Variants in WDR72 observed in about 807,000 individuals in gnomAD.
WDR72 encodes the protein WD repeat-containing protein 72.
WDR72 carries 120 observed loss-of-function variants against 124.2 expected under a neutral mutation model. The observed-to-expected ratio is 0.97, with a 90% CI of 0.83 to 1.12. The LOEUF is 1.12. WDR72 is among the 50% of genes most tolerant of loss of function. The pLI is 0.00. For synonymous variants in WDR72, 452 were observed against 441.7 expected, an observed-to-expected ratio of 1.02 and a Z score of -0.29; for missense variants, 1,387 against 1,278.8, an observed-to-expected ratio of 1.08 and a Z score of -1.29.
At chr15:53,642,029 G>A (rs1287542811) in intron 14 of WDR72, among the ~76,000 whole-genome samples, 1 of 151,312 alleles carries the variant, frequency 6.6e-6, no homozygotes, top group Admixed American at 6.6e-5. Flanking sequence ...AATTTTACTT[G>A]GTATGATTAC....
intron 18 of WDR72, among the ~76,000 whole-genome samples, chr15:53,559,632 C>T (rs539186468): frequency 9.9e-5 from 15 of 152,028 alleles, no homozygotes; most frequent in Non-Finnish European, 1.8e-4. Flanking sequence ...CGTTCTTACA[C>T]AGGAGGACAA....
Position 53,616,055 on chromosome 15 carries a change from C to A in WDR72, c.2151G>T (p.Lys717Asn). The change falls in exon 15 of 20, where the codon AAG becomes AAT. Residue 717 changes from lysine to asparagine, a missense_variant. Physicochemically the swap from Lys to Asn is moderately conservative, Grantham distance 94 (BLOSUM62 0). Coordinates refer to ENST00000360509, the MANE Select transcript of WDR72 (RefSeq NM_182758.4). ...TCAGTGTCTTCTTCTCCACTGTGCTCTTGGCTCTTCTCAGGACCTCACCAC... is the reference window on the plus strand; with the variant it reads ...TCAGTGTCTTCTTCTCCACTGTGCTATTGGCTCTTCTCAGGACCTCACCAC... ...FYGGEVLRRA[K>N]STVEKKTLTL... 1 of 1,611,934 alleles carries A rather than the reference C, an allele frequency of 6.2e-7. No homozygotes were observed. Among genetic ancestry groups the A allele is most frequent in the Non-Finnish European group, 8.5e-7 (1 of 1,178,780 alleles).
intron 18 of WDR72, among the ~76,000 whole-genome samples, chr15:53,545,219 A>C (rs909640451): frequency 1.3e-5 from 2 of 151,900 alleles, no homozygotes; most frequent in African/African-American, 4.8e-5. Flanking sequence ...ATCCTAAGCC[A>C]AAAGAACAAA....
intron 18 of WDR72, among the ~76,000 whole-genome samples, chr15:53,565,007 A>C (rs898301499): frequency 6.6e-6 from 1 of 151,896 alleles, no homozygotes; most frequent in African/African-American, 2.4e-5. Flanking sequence ...AAATTTCCTA[A>C]GTGAAAGGAA....
chr15:53,656,277 C>G (rs1181696240), intron 14 of WDR72, among the ~76,000 whole-genome samples: 1 of 152,108 alleles, frequency 6.6e-6, no homozygotes, highest in Non-Finnish European at 1.5e-5. Flanking sequence ...AAATAAACGT[C>G]ATTTGGAGAT....
chr15:53,726,136 G>C (rs2018018081), intron 2 of WDR72, among the ~76,000 whole-genome samples: 1 of 150,154 alleles, frequency 6.7e-6, no homozygotes, highest in African/African-American at 2.5e-5. Context: ...ACAATACCAA[G>C]AGTGAACCAA....
intron 2 of WDR72, among the ~76,000 whole-genome samples, chr15:53,728,974 C>A (rs2018122474): frequency 6.6e-6 from 1 of 152,146 alleles, no homozygotes; most frequent in South Asian, 2.1e-4. Flanking sequence ...CTTCAAACCC[C>A]TATTGAATAC....
At chr15:53,688,667 C>T (rs1415150116) in intron 13 of WDR72, among the ~76,000 whole-genome samples, 2 of 152,118 alleles carry the variant, frequency 1.3e-5, no homozygotes, top group African/African-American at 2.4e-5. Flanking sequence ...TCAATGCCAT[C>T]CCCATCAAGC....
rs1891399052 is a variant in WDR72, at chr15:53,515,251, C to T, written c.*2448G>A. 6.6e-6 allele frequency: 1 copy of T among 151,846 alleles called. No individual in the cohort carries two copies. 9.4% of individuals were successfully genotyped at this position (151,846 alleles called of 1,614,324 possible). ...TAATCACTCCACTGGTTACCTAGGC[C>T]TAGACGTACAAAAGGACACCCATAT... On this transcript the variant is annotated 3_prime_UTR_variant, in exon 20 of 20. Transcript: ENST00000360509.
intron 18 of WDR72, among the ~76,000 whole-genome samples, chr15:53,538,791 A>C (rs574583679): frequency 6.6e-6 from 1 of 152,156 alleles, no homozygotes; most frequent in Non-Finnish European, 1.5e-5. Flanking sequence ...CACAGAATGA[A>C]TCAGATCACT....
At chr15:53,683,025 A>G (rs550807885) in intron 13 of WDR72, among the ~76,000 whole-genome samples, 1 of 152,328 alleles carries the variant, frequency 6.6e-6, no homozygotes, top group East Asian at 1.9e-4. Context: ...ACACAGTGGT[A>G]GGAGAGAAGT....
chr15:53,627,103 C>A (rs1289670950), intron 14 of WDR72, among the ~76,000 whole-genome samples: 2 of 152,186 alleles, frequency 1.3e-5, no homozygotes. Flanking sequence ...AGGGAAATGA[C>A]TTGTTCTAAG....
chr15:53,738,586 T>TTTTGTTTG (rs58374481), intron 1 of WDR72, among the ~76,000 whole-genome samples: 2 of 151,704 alleles, frequency 1.3e-5, no homozygotes, highest in African/African-American at 4.9e-5. Context: ...TTTTTTTTGT[T>TTTTGTTTG]TTTGTTTGTT....
At chr15:53,545,085 G>GC (rs1354484243) in intron 18 of WDR72, among the ~76,000 whole-genome samples, 3 of 148,496 alleles carry the variant, frequency 2.0e-5, no homozygotes, top group African/African-American at 5.1e-5. Context: ...TGGCCATACT[G>GC]CCCAAGGTAA....
chr15:53,682,530 A>T (rs568529889), intron 13 of WDR72, among the ~76,000 whole-genome samples: 1 of 151,942 alleles, frequency 6.6e-6, no homozygotes, highest in East Asian at 1.9e-4. Context: ...TTTTCCCACC[A>T]TCTCTTCACG....
At chr15:53,594,289 C>T (rs2012656293) in intron 18 of WDR72, among the ~76,000 whole-genome samples, 1 of 142,146 alleles carries the variant, frequency 7.0e-6, no homozygotes, top group Non-Finnish European at 1.6e-5. Context: ...TACGTACCAC[C>T]AAGAAACCAA....
chr15:53,747,218 A>T lies in WDR72; in HGVS notation c.-13+12415T>A, dbSNP rs534604694. On this transcript the variant is annotated intron_variant, in intron 1 of 19. Transcript: ENST00000360509. Reference sequence around the variant, plus strand: ...CTGAAGCCAAAGTTATTATTTTATCAACAGATTGTAATTAGATCACTCCTT... The same window carrying T: ...CTGAAGCCAAAGTTATTATTTTATCTACAGATTGTAATTAGATCACTCCTT... Among the ~76,000 whole-genome samples the T allele has an allele frequency of 6.6e-4, 101 of 152,330 alleles. 2 individuals are homozygous for T. Among genetic ancestry groups the T allele is most frequent in the African/African-American group, 2.4e-3 (99 of 41,576 alleles).
intron 18 of WDR72, among the ~76,000 whole-genome samples, chr15:53,545,160 T>TG (rs1344144074): frequency 7.3e-5 from 11 of 150,908 alleles, no homozygotes; most frequent in African/African-American, 2.5e-4. Flanking sequence ...TGGAAAAAAC[T>TG]ACTTTAAAGT....
At chr15:53,666,592 C>T (rs1431375764) in intron 13 of WDR72, among the ~76,000 whole-genome samples, 1 of 152,048 alleles carries the variant, frequency 6.6e-6, no homozygotes, top group African/African-American at 2.4e-5. Flanking sequence ...TAGGTTATCT[C>T]CTACTGAATA....
Sources: gnomAD v4.1 joint callset for allele counts (sites outside exome capture counted in the v4.1 genomes callset) on GRCh38, gnomAD v4.1.1 for gene constraint, MANE v1.5 for transcripts, NCBI Gene and HGNC (gene_info 2026-07-23, HGNC 2026-07-21) for gene names.